DOK6: variants seen among roughly 807,000 people sequenced by gnomAD.
DOK6 encodes downstream of tyrosine kinase 6.
In DOK6, 22 loss-of-function variants were observed where a neutral mutation model predicts 44.0. That is an observed-to-expected ratio of 0.50 (90% confidence interval 0.36 to 0.71). The LOEUF is 0.71. Among genes scored for constraint, DOK6 ranks in the 30% least tolerant of loss-of-function variants. The pLI is 0.00. For missense variants in DOK6, 340 were observed against 416.4 expected (o/e 0.82, Z 1.60); for synonymous variants, 166 against 145.5 (o/e 1.14, Z -1.01).
At chr18:69,433,525 A>G (rs964827353) in intron 1 of DOK6, among the ~76,000 whole-genome samples, 3 of 152,186 alleles carry the variant, frequency 2.0e-5, no homozygotes, top group African/African-American at 7.2e-5. Context: ...AGATAGAGAT[A>G]AAGCTCATAT....
chr18:69,476,906 A>T (rs567690491), intron 1 of DOK6, among the ~76,000 whole-genome samples: 2 of 152,294 alleles, frequency 1.3e-5, no homozygotes, highest in East Asian at 3.9e-4. Context: ...AGACTGAAGG[A>T]ATCTAAAGGG....
intron 7 of DOK6, among the ~76,000 whole-genome samples, chr18:69,834,888 G>T (rs985617561): frequency 1.2e-4 from 19 of 152,174 alleles, no homozygotes; most frequent in Non-Finnish European, 4.4e-5. Flanking sequence ...TCACAGTTTT[G>T]CATGGCTGGG....
chr18:69,688,683 C>T (rs1389967005), intron 4 of DOK6, among the ~76,000 whole-genome samples: 1 of 152,066 alleles, frequency 6.6e-6, no homozygotes, highest in Non-Finnish European at 1.5e-5. Flanking sequence ...CCATCACACC[C>T]GGCTATTTTT....
intron 3 of DOK6, among the ~76,000 whole-genome samples, chr18:69,651,435 T>C (rs943676965): frequency 1.3e-5 from 2 of 151,792 alleles, no homozygotes; most frequent in East Asian, 1.9e-4. Flanking sequence ...GGTTCCTCCT[T>C]AGGGAATCCA....
At chr18:69,779,046 CA>C (rs1980169636) in intron 7 of DOK6, among the ~76,000 whole-genome samples, 4 of 151,880 alleles carry the variant, frequency 2.6e-5, no homozygotes, top group South Asian at 4.2e-4. Flanking sequence ...ATACAAAATA[CA>C]AAAAAAGCAT....
chr18:69,647,897 T>A (rs1985125196), intron 3 of DOK6, among the ~76,000 whole-genome samples: 1 of 152,142 alleles, frequency 6.6e-6, no homozygotes, highest in African/African-American at 2.4e-5. Context: ...CAGGGATATG[T>A]TAAACAGGAC....
At chr18:69,409,093 C>T (rs998320889) in intron 1 of DOK6, among the ~76,000 whole-genome samples, 15 of 152,092 alleles carry the variant, frequency 9.9e-5, no homozygotes, top group South Asian at 8.3e-4. Flanking sequence ...ATGCTGTTCT[C>T]GAGATAGTGA....
intron 5 of DOK6, among the ~76,000 whole-genome samples, chr18:69,701,761 T>A (rs1056813169): frequency 9.9e-5 from 15 of 152,186 alleles, no homozygotes; most frequent in African/African-American, 3.6e-4. Flanking sequence ...TTTTAACAAT[T>A]AGAAATGCAA....
intron 1 of DOK6, among the ~76,000 whole-genome samples, chr18:69,443,214 T>G (rs1979184929): frequency 6.6e-6 from 1 of 152,182 alleles, no homozygotes; most frequent in South Asian, 2.1e-4. Context: ...TAGCTCTGTA[T>G]GACTAGAAAG....
At chr18:69,736,781 T>C (rs1306798505) in intron 5 of DOK6, among the ~76,000 whole-genome samples, 2 of 152,170 alleles carry the variant, frequency 1.3e-5, no homozygotes, top group African/African-American at 2.4e-5. Flanking sequence ...AAATACGTCT[T>C]CTAATATGTC....
intron 7 of DOK6, among the ~76,000 whole-genome samples, chr18:69,800,384 A>G (rs1439393992): frequency 6.6e-6 from 1 of 152,138 alleles, no homozygotes; most frequent in Non-Finnish European, 1.5e-5. Context: ...TCTTCTTTTC[A>G]TAAATCACTT....
chr18:69,769,300 G>A (rs1229244117), intron 7 of DOK6, among the ~76,000 whole-genome samples: 1 of 151,994 alleles, frequency 6.6e-6, no homozygotes, highest in East Asian at 1.9e-4. Flanking sequence ...TATTCATCAG[G>A]AAAGTTCATT....
At chr18:69,576,000 C>T (rs2144606325) in intron 2 of DOK6, among the ~76,000 whole-genome samples, 1 of 152,200 alleles carries the variant, frequency 6.6e-6, no homozygotes, top group Admixed American at 6.5e-5. Context: ...CTTGCTCTTA[C>T]AAAATCATGG....
intron 5 of DOK6, among the ~76,000 whole-genome samples, chr18:69,730,445 A>G (rs1189747513): frequency 6.6e-6 from 1 of 152,240 alleles, no homozygotes; most frequent in African/African-American, 2.4e-5. Context: ...AGTATGAACT[A>G]TAATGAGACT....
intron 1 of DOK6, among the ~76,000 whole-genome samples, chr18:69,554,837 A>G (rs1982648622): frequency 6.6e-6 from 1 of 152,136 alleles, no homozygotes; most frequent in South Asian, 2.1e-4. Flanking sequence ...TTGCAAATGA[A>G]TTGATATCTT....
intron 1 of DOK6, among the ~76,000 whole-genome samples, chr18:69,536,855 T>C (rs1284372624): frequency 1.3e-5 from 2 of 151,938 alleles, no homozygotes; most frequent in African/African-American, 4.8e-5. Flanking sequence ...CTGGCCAATA[T>C]CATGTAGCTG....
intron 1 of DOK6, 25 bp downstream of exon 1, chr18:69,401,335 C>G (rs981133224): frequency 1.3e-6 from 2 of 1,493,030 alleles, no homozygotes; most frequent in African/African-American, 2.9e-5. Context: ...CGGCTTGCTC[C>G]TTCCCCGGCG....
chr18:69,459,813 T>TA (rs540653418), intron 1 of DOK6, among the ~76,000 whole-genome samples: 4 of 152,006 alleles, frequency 2.6e-5, no homozygotes, highest in Non-Finnish European at 5.9e-5. Context: ...ATGCAGAGTT[T>TA]AAAAAAAATA....
chr18:69,424,626 CTT>C (rs3044854), intron 1 of DOK6, among the ~76,000 whole-genome samples: 55,304 of 151,670 alleles, frequency 0.36, 10,120 homozygotes, highest in Middle Eastern at 0.43. Flanking sequence ...CTCTTTGTGA[CTT>C]ATAATTTTTT....
Sources: gnomAD v4.1 joint callset for allele counts (sites outside exome capture counted in the v4.1 genomes callset) on GRCh38, gnomAD v4.1.1 for gene constraint, MANE v1.5 for transcripts, NCBI Gene and HGNC (gene_info 2026-07-23, HGNC 2026-07-21) for gene names.